RGS6: variants seen among roughly 807,000 people sequenced by gnomAD.
RGS6 encodes regulator of G-protein signaling 6.
Under a neutral mutation model 78.5 loss-of-function variants are expected in RGS6, and 30 were observed. That is an observed-to-expected ratio of 0.38 (90% CI 0.29 to 0.52). The LOEUF is 0.52. RGS6 is among the 20% of genes least tolerant of loss of function. RGS6 has a pLI of 0.85. For synonymous variants in RGS6, 206 were observed against 206.0 expected, an observed-to-expected ratio of 1.00 and a Z score of 0.00; for missense variants, 495 against 609.7, an observed-to-expected ratio of 0.81 and a Z score of 1.98.
chr14:72,128,401 T>A (rs2096247621), intron 2 of RGS6, among the ~76,000 whole-genome samples: 1 of 152,202 alleles, frequency 6.6e-6, no homozygotes, highest in Non-Finnish European at 1.5e-5. Context: ...TTGTAAATAG[T>A]TACATTGTGT....
At chr14:72,373,505 G>A (rs1159673899) in intron 3 of RGS6, among the ~76,000 whole-genome samples, 1 of 152,124 alleles carries the variant, frequency 6.6e-6, no homozygotes, top group Non-Finnish European at 1.5e-5. Flanking sequence ...TTTCTCAGAG[G>A]ACATCTGTCC....
chr14:72,206,831 A>T (rs1306935915), intron 2 of RGS6, among the ~76,000 whole-genome samples: 1 of 140,668 alleles, frequency 7.1e-6, no homozygotes, highest in Non-Finnish European at 1.5e-5. Context: ...TTGAGTGGGG[A>T]CACAGCCAAA....
At chr14:72,264,604 A>G (rs1490223022) in intron 2 of RGS6, among the ~76,000 whole-genome samples, 1 of 152,172 alleles carries the variant, frequency 6.6e-6, no homozygotes, top group Non-Finnish European at 1.5e-5. Flanking sequence ...GGTTTTCATA[A>G]AAGGATTTTC....
chr14:71,952,949 C>T (rs2153000820), intron 1 of RGS6, among the ~76,000 whole-genome samples: 1 of 152,280 alleles, frequency 6.6e-6, no homozygotes, highest in Middle Eastern at 3.4e-3. Flanking sequence ...TCTTAGTCAT[C>T]CACTTCTTGT....
At chr14:72,343,588 C>T (rs1055420705) in intron 2 of RGS6, among the ~76,000 whole-genome samples, 2 of 152,102 alleles carry the variant, frequency 1.3e-5, no homozygotes, top group African/African-American at 4.8e-5. Flanking sequence ...CATTTTTCTG[C>T]CTTCTATAGT....
chr14:72,166,126 AC>A (rs752750649), intron 2 of RGS6, among the ~76,000 whole-genome samples: 8,561 of 151,596 alleles, frequency 0.056, 264 homozygotes, highest in Middle Eastern at 0.068. Context: ...ACACACACAC[AC>A]ACACACACAC....
At chr14:72,481,792 C>A (rs2096383936) in intron 12 of RGS6, among the ~76,000 whole-genome samples, 1 of 149,138 alleles carries the variant, frequency 6.7e-6, no homozygotes, top group South Asian at 2.1e-4. Context: ...ACACCCTAAG[C>A]TTTTTATTTT....
chr14:71,952,326 A>C (rs1326915420), intron 1 of RGS6, among the ~76,000 whole-genome samples: 1 of 152,170 alleles, frequency 6.6e-6, no homozygotes, highest in Non-Finnish European at 1.5e-5. Context: ...GAGTATTTTC[A>C]TGAAGAGGTG....
chr14:72,440,774 C>T (rs940218822), intron 3 of RGS6, among the ~76,000 whole-genome samples: 1 of 152,132 alleles, frequency 6.6e-6, no homozygotes, highest in Middle Eastern at 3.2e-3. Context: ...AAACTCTGTT[C>T]TTAACCTGAG....
chr14:71,901,975 T>G, the RGS6 span, among the ~76,000 whole-genome samples: 1 of 152,222 alleles, frequency 6.6e-6, no homozygotes, highest in African/African-American at 2.4e-5. Flanking sequence ...GGATGGAATA[T>G]TCTGTCTTCT....
intron 12 of RGS6, among the ~76,000 whole-genome samples, chr14:72,485,686 C>CAAAAT (rs2096475365): frequency 6.6e-6 from 1 of 152,134 alleles, no homozygotes; most frequent in Non-Finnish European, 1.5e-5. Context: ...CCTGGTTCTG[C>CAAAAT]AAAATAGAAG....
At chr14:72,301,018 A>G (rs2065939732) in intron 2 of RGS6, among the ~76,000 whole-genome samples, 1 of 152,206 alleles carries the variant, frequency 6.6e-6, no homozygotes, top group African/African-American at 2.4e-5. Flanking sequence ...TTTATTTATT[A>G]CTTGTGGAAT....
intron 2 of RGS6, among the ~76,000 whole-genome samples, chr14:72,214,508 G>A (rs770447570): frequency 1.4e-4 from 21 of 152,172 alleles, no homozygotes; most frequent in Non-Finnish European, 2.8e-4. Context: ...AAACGTGATT[G>A]AGCTACAATG....
the RGS6 span, among the ~76,000 whole-genome samples, chr14:71,870,675 G>C: frequency 6.6e-6 from 1 of 152,182 alleles, no homozygotes; most frequent in Admixed American, 6.5e-5. Context: ...TACTGTCACT[G>C]TTTGATTCTG....
At chr14:71,958,940 T>C (rs1470979226) in intron 1 of RGS6, among the ~76,000 whole-genome samples, 1 of 152,178 alleles carries the variant, frequency 6.6e-6, no homozygotes, top group Non-Finnish European at 1.5e-5. Context: ...TTGGGCAAGT[T>C]TTTGGGAACC....
At chr14:72,286,446 G>A (rs2062568280) in intron 2 of RGS6, among the ~76,000 whole-genome samples, 1 of 151,996 alleles carries the variant, frequency 6.6e-6, no homozygotes, top group African/African-American at 2.4e-5. Context: ...GAAGTGTGAT[G>A]CATCCATTTT....
At chr14:72,312,225 GTTTT>G (rs386364170) in intron 2 of RGS6, among the ~76,000 whole-genome samples, 11 of 128,890 alleles carry the variant, frequency 8.5e-5, no homozygotes, top group Non-Finnish European at 1.0e-4. Context: ...CTGAGAAATT[GTTTT>G]TTTTTTTTTT....
intron 2 of RGS6, among the ~76,000 whole-genome samples, chr14:72,103,190 G>A (rs560729346): frequency 9.2e-5 from 14 of 152,214 alleles, no homozygotes; most frequent in African/African-American, 2.6e-4. Flanking sequence ...ATTGCATTAC[G>A]GCAATTCCAG....
chr14:72,138,784 C>T (rs1274233563), intron 2 of RGS6, among the ~76,000 whole-genome samples: 3 of 152,046 alleles, frequency 2.0e-5, no homozygotes, highest in East Asian at 1.9e-4. Flanking sequence ...GATGTGTGCT[C>T]CTTATGAGAA....
Sources: gnomAD v4.1 joint callset for allele counts (sites outside exome capture counted in the v4.1 genomes callset) on GRCh38, gnomAD v4.1.1 for gene constraint, MANE v1.5 for transcripts, NCBI Gene and HGNC (gene_info 2026-07-23, HGNC 2026-07-21) for gene names.